Variants in SUMF1 observed in about 807,000 individuals in gnomAD.
SUMF1 encodes sulfatase modifying factor 1.
Under a neutral mutation model 47.6 loss-of-function variants are expected in SUMF1, and 48 were observed. That is an observed-to-expected ratio of 1.01 (90% confidence interval 0.80 to 1.28). SUMF1 has a LOEUF of 1.28. SUMF1 is among the 50% of genes most tolerant of loss of function. SUMF1 has a pLI of 0.00. For synonymous variants in SUMF1, 230 were observed against 192.1 expected, an observed-to-expected ratio of 1.20 and a Z score of -1.63; for missense variants, 571 against 485.4, an observed-to-expected ratio of 1.18 and a Z score of -1.66.
chr3:4,404,197 T>G (rs961164294), intron 7 of SUMF1, among the ~76,000 whole-genome samples: 2 of 152,188 alleles, frequency 1.3e-5, no homozygotes, highest in Admixed American at 1.3e-4. Context: ...AAAATTACAA[T>G]GAGTAAACAT....
intron 8 of SUMF1, among the ~76,000 whole-genome samples, chr3:4,205,777 CAG>C (rs1257017229): frequency 6.6e-6 from 1 of 152,110 alleles, no homozygotes; most frequent in Non-Finnish European, 1.5e-5. Context: ...CTTTCTCCCA[CAG>C]AGTCTCTCTC....
At position 4,410,803 on chromosome 3, in the gene SUMF1, G is replaced by A. The variant is rs976118181; in HGVS notation, c.954+62C>T. 4 of 1,448,122 alleles carry A rather than the reference G, an allele frequency of 2.8e-6. No homozygotes were observed. The African/African-American group carries it at 4.2e-5, about 15-fold the overall frequency. The allele number at this position is 1,448,122 out of a possible 1,614,324, so 89.7% of individuals were successfully genotyped here. ...CTCGGAAACACATGACAGCCTGGCT[G>A]CAGACTGCCCAGAGGACAGATGCCA... On this transcript the variant is annotated intron_variant, in intron 7 of 8. Coordinates refer to ENST00000272902, the MANE Select transcript of SUMF1 (RefSeq NM_182760.4).
chr3:4,253,976 C>T (rs1340083810), intron 8 of SUMF1, among the ~76,000 whole-genome samples: 1 of 150,976 alleles, frequency 6.6e-6, no homozygotes, highest in Non-Finnish European at 1.5e-5. Context: ...AGCAGCCTAA[C>T]TGGGAGGCAC....
In SUMF1 at chr3:4,100,451, G is replaced by A. The variant is rs146814393; in HGVS notation, c.1015-31706C>T. Among the ~76,000 whole-genome samples the A allele has an allele frequency of 6.1e-4, 93 of 152,024 alleles. 1 individual carries two copies. Among genetic ancestry groups the A allele is most frequent in the Middle Eastern group, 3.4e-3 (1 of 294 alleles). ...ACACTAATGGGGAAAAGATGGTCTC[G>A]TCAATAAATTGTGCTTGAAAAGCCA... On this transcript the variant is annotated intron_variant and NMD_transcript_variant, in intron 8 of 12. Transcript: ENST00000448413.
At chr3:4,217,899 A>C (rs988784931) in intron 8 of SUMF1, among the ~76,000 whole-genome samples, 1 of 151,992 alleles carries the variant, frequency 6.6e-6, no homozygotes, top group African/African-American at 2.4e-5. Flanking sequence ...AAAGATAGGT[A>C]AGGTCTGATT....
At chr3:4,452,580 T>C (rs1019399785) in intron 2 of SUMF1, among the ~76,000 whole-genome samples, 22 of 152,238 alleles carry the variant, frequency 1.4e-4, no homozygotes, top group Admixed American at 6.5e-5. Context: ...TATAGCATAA[T>C]AGTTATAGCA....
intron 8 of SUMF1, among the ~76,000 whole-genome samples, chr3:4,240,529 A>T (rs1008638725): frequency 6.6e-6 from 1 of 151,854 alleles, no homozygotes; most frequent in Non-Finnish European, 1.5e-5. Flanking sequence ...ATGATTTTTT[A>T]AAATTACCCA....
chr3:4,274,016 A>G (rs1697364369), intron 8 of SUMF1, among the ~76,000 whole-genome samples: 1 of 152,012 alleles, frequency 6.6e-6, no homozygotes, highest in South Asian at 2.1e-4. Context: ...ATCTAAATTC[A>G]CTTTGGGGAA....
chr3:4,302,002 G>A (rs985679448), intron 8 of SUMF1, among the ~76,000 whole-genome samples: 3 of 152,164 alleles, frequency 2.0e-5, no homozygotes, highest in Non-Finnish European at 4.4e-5. Context: ...AAACAGTCAG[G>A]CAGGAAAACA....
intron 8 of SUMF1, among the ~76,000 whole-genome samples, chr3:4,277,925 T>C (rs974310230): frequency 3.3e-5 from 5 of 152,064 alleles, no homozygotes; most frequent in African/African-American, 1.2e-4. Flanking sequence ...ATCATCAAAT[T>C]ATCATCATCA....
At position 4,449,414 on chromosome 3, in the gene SUMF1, A is replaced by G; in HGVS notation, c.445-74T>C. On this transcript the variant is annotated intron_variant, in intron 2 of 8. Coordinates refer to ENST00000272902, the MANE Select transcript of SUMF1 (RefSeq NM_182760.4). ...GTTGCATGTGTGCCCTTTTCTCTCCACACTATTAAAGTGATTCCTCTTGTC... is the reference window on the plus strand; with the variant it reads ...GTTGCATGTGTGCCCTTTTCTCTCCGCACTATTAAAGTGATTCCTCTTGTC... The G allele has an allele frequency of 3.5e-6, 5 of 1,410,488 alleles. No individual in the cohort carries two copies. The South Asian group carries it at 4.6e-5, about 13-fold the overall frequency. The allele number at this position is 1,410,488 out of a possible 1,614,324, so 87.4% of individuals were successfully genotyped here. A position where few individuals can be genotyped will look rare whatever the true frequency, so the allele number is the denominator to read the frequency against.
At chr3:4,325,386 A>G (rs1290316451) in intron 8 of SUMF1, among the ~76,000 whole-genome samples, 3 of 152,136 alleles carry the variant, frequency 2.0e-5, no homozygotes, top group African/African-American at 7.2e-5. Flanking sequence ...AGAAAGAAAA[A>G]AAAGACCAAA....
chr3:4,454,740 C>A lies in SUMF1; in HGVS notation c.271-1691G>T, dbSNP rs567362079. On this transcript the variant is annotated intron_variant, in intron 1 of 8. Coordinates refer to ENST00000272902, the MANE Select transcript of SUMF1 (RefSeq NM_182760.4). ...TATATCTATAAAATGGAATAATATT[C>A]AGACATAAATAAGTATTGGTTCATG... Among the ~76,000 whole-genome samples, 7 of 152,242 alleles carry A rather than the reference C, an allele frequency of 4.6e-5. No individual in the cohort carries two copies. In the East Asian group the frequency reaches 1.3e-3, roughly 29 times the overall value.
intron 8 of SUMF1, among the ~76,000 whole-genome samples, chr3:4,164,354 G>A (rs1202465254): frequency 6.6e-6 from 1 of 152,172 alleles, no homozygotes; most frequent in Admixed American, 6.5e-5. Context: ...CCGGGGCTCA[G>A]TGAGGGTGAT....
At chr3:4,370,206 C>G (rs192014855) in intron 8 of SUMF1, among the ~76,000 whole-genome samples, 200 of 152,248 alleles carry the variant, frequency 1.3e-3, no homozygotes, top group African/African-American at 4.6e-3. Context: ...AGATCTGGAG[C>G]ATGAGAATTC....
chr3:4,246,886 G>A (rs2125004015), intron 8 of SUMF1, among the ~76,000 whole-genome samples: 1 of 152,242 alleles, frequency 6.6e-6, no homozygotes, highest in South Asian at 2.1e-4. Context: ...TATAAGTCAT[G>A]GACCCAGTTT....
At chr3:4,199,650 CTTA>C (rs1290792266) in intron 8 of SUMF1, among the ~76,000 whole-genome samples, 2 of 152,170 alleles carry the variant, frequency 1.3e-5, no homozygotes, top group Admixed American at 1.3e-4. Flanking sequence ...TTCTGTCTTT[CTTA>C]TTATGTATAT....
chr3:4,396,508 G>A (rs568544725), intron 7 of SUMF1, among the ~76,000 whole-genome samples: 4 of 152,154 alleles, frequency 2.6e-5, no homozygotes, highest in Non-Finnish European at 4.4e-5. Context: ...TCTAGTCTGG[G>A]CTCTATCCTT....
At chr3:4,097,456 G>C (rs958725274) in intron 8 of SUMF1, among the ~76,000 whole-genome samples, 3 of 152,176 alleles carry the variant, frequency 2.0e-5, no homozygotes, top group South Asian at 2.1e-4. Context: ...GGGAGGCTGA[G>C]GCAGGAGAAT....
Sources: gnomAD v4.1 joint callset for allele counts (sites outside exome capture counted in the v4.1 genomes callset) on GRCh38, gnomAD v4.1.1 for gene constraint, MANE v1.5 for transcripts, NCBI Gene and HGNC (gene_info 2026-07-23, HGNC 2026-07-21) for gene names.